CYP26C1: variants seen among roughly 807,000 people sequenced by gnomAD.
CYP26C1 encodes the protein cytochrome P450 family 26 subfamily C member 1.
A neutral mutation model predicts 39.1 loss-of-function variants in CYP26C1; 41 were observed. That is an observed-to-expected ratio of 1.05 (90% CI 0.82 to 1.36). CYP26C1 has a LOEUF of 1.36. Among genes scored for constraint, CYP26C1 ranks in the 40% most tolerant of loss-of-function variants. The pLI is 0.00. For synonymous variants in CYP26C1, 362 were observed against 350.8 expected (o/e 1.03, Z -0.36); for missense variants, 833 against 752.0 (o/e 1.11, Z -1.26).
rs751379382 is a variant in CYP26C1, at chr10:93,061,329, G to T, written c.66G>T (p.Ala22=). The T allele has an allele frequency of 3.1e-6, 5 of 1,593,512 alleles. No homozygotes were observed. In the East Asian group the frequency reaches 6.8e-5, roughly 22 times the overall value. The change falls in exon 1 of 6, where the codon GCG becomes GCT. Residue 22 remains alanine (A), a synonymous_variant. Transcript: ENST00000651965. ...CGGCGGGCACTGCTCTCCTGTGCGC[G>T]GGCCTGCTGCTCAGCCTGGCCCAGC... The part of the protein sequence containing the change: ...LGAAGTALLC[A]GLLLSLAQHL...
chr10:93,064,163 G>T (rs1342122496), intron 3 of CYP26C1: 4 of 1,323,850 alleles, frequency 3.0e-6, no homozygotes, highest in Admixed American at 6.4e-5. Context: ...GGCTCAGAGG[G>T]GGATTGTGAT....
At chr10:93,068,076 T>C (rs575579934) in intron 5 of CYP26C1, among the ~76,000 whole-genome samples, 15 of 152,324 alleles carry the variant, frequency 9.8e-5, no homozygotes, top group South Asian at 2.1e-4. Flanking sequence ...GGGCCATTTT[T>C]CCCCTCATTT....
At position 93,064,468 on chromosome 10, in the gene CYP26C1, G is replaced by A. The variant is rs1377723078; in HGVS notation, c.793G>A (p.Asp265Asn). The change falls in exon 4 of 6, where the codon GAT becomes AAT. Residue 265 changes from aspartate to asparagine, a missense_variant. By Grantham distance (23) the Asp-to-Asn change is conservative. Transcript: ENST00000651965. ...LHEDKAAEPGDALDLIIHSAR... is the reference protein window; with the variant it reads ...LHEDKAAEPGNALDLIIHSAR... ...CGAGGACAAGGCTGCAGAGCCGGGTGATGCCCTCGACCTAATCATTCACAG... is the reference window on the plus strand; with the variant it reads ...CGAGGACAAGGCTGCAGAGCCGGGTAATGCCCTCGACCTAATCATTCACAG... 5.0e-6 allele frequency: 8 copies of A among 1,614,026 alleles called. No homozygotes were observed. Among genetic ancestry groups the A allele is most frequent in the Non-Finnish European group, 6.8e-6 (8 of 1,180,040 alleles).
rs11187265 is a variant in CYP26C1 at position 93,064,409 on chromosome 10, G to A, written c.734G>A (p.Arg245Gln). ...KGIRARDQLH[R>Q]HLEGAISEKL... ...ATCCGGGCAAGGGACCAGCTGCATC[G>A]GCACCTGGAGGGGGCCATTTCTGAG... The change falls in exon 4 of 6, where the codon CGG becomes CAG. Residue 245 changes from arginine (R) to glutamine (Q), a missense_variant. Arg to Gln is a conservative substitution (Grantham distance 43). Transcript: ENST00000651965. 0.093 allele frequency: 149,546 copies of A among 1,613,912 alleles called. 7,630 individuals are homozygous for A. The highest frequency in any genetic ancestry group is 0.2 in the Admixed American group (12,051 of 59,998).
At chr10:93,063,088 GCGTC>G in intron 3 of CYP26C1, 93 bp downstream of exon 3, 1 of 1,476,464 alleles carries the variant, frequency 6.8e-7, no homozygotes, top group Non-Finnish European at 8.9e-7. Flanking sequence ...CGCACCCCGC[GCGTC>G]CGTCACCTCT....
chr10:93,063,222 C>A, intron 3 of CYP26C1: 1 of 1,254,442 alleles, frequency 8.0e-7, no homozygotes, highest in South Asian at 3.2e-5. Flanking sequence ...CACACGACCT[C>A]CGTGGGACGC....
At chr10:93,063,121 G>A (rs1243230630) in intron 3 of CYP26C1, 126 bp downstream of exon 3, 2 of 1,428,276 alleles carry the variant, frequency 1.4e-6, no homozygotes, top group Non-Finnish European at 1.8e-6. Flanking sequence ...CGGCGGCAGG[G>A]CCCGGGGGTG....
At position 93,062,188 on chromosome 10, in the gene CYP26C1, A is replaced by T. The variant is rs1282551462; in HGVS notation, c.383A>T (p.His128Leu). The T allele has an allele frequency of 3.3e-6, 5 of 1,536,160 alleles. No homozygotes were observed. In the East Asian group the frequency reaches 1.2e-4, roughly 38 times the overall value. Residue 128 changes from histidine (H) to leucine (L), a missense_variant, in exon 2 of 6, where the codon CAC becomes CTC. Transcript: ENST00000651965. ...AGTGCGCACATCCTGCTGGGCTCGC[A>T]CACACTGCTAGGTGCGGTCGGCGAG... ...PQSAHILLGS[H>L]TLLGAVGEPH...
intron 1 of CYP26C1, 49 bp downstream of exon 1, chr10:93,061,516 G>A: frequency 1.3e-6 from 2 of 1,539,530 alleles, no homozygotes; most frequent in Non-Finnish European, 1.8e-6. Context: ...TTCTTCCCCC[G>A]GCTCCCACTG....
At chr10:93,065,038 T>C (rs1000323921) in intron 4 of CYP26C1, among the ~76,000 whole-genome samples, 1 of 152,098 alleles carries the variant, frequency 6.6e-6, no homozygotes, top group East Asian at 1.9e-4. Context: ...TTGCTGTGGA[T>C]CTCCTGGAGA....
chr10:93,068,450 G>T lies in CYP26C1; in HGVS notation c.1322G>T (p.Arg441Leu), dbSNP rs1273271984. 6.2e-7 allele frequency: 1 copy of T among 1,611,774 alleles called. No homozygotes were observed. Among genetic ancestry groups the T allele is most frequent in the South Asian group, 1.1e-5 (1 of 90,934 alleles). Residue 441 changes from arginine (R) to leucine (L), a missense_variant, in exon 6 of 6, where the codon CGG becomes CTG. Arg to Leu is a moderately radical substitution (Grantham distance 102, BLOSUM62 -2). Transcript: ENST00000651965. ...ERFGAAREDSRGASSRFHYIP... is the reference protein window; with the variant it reads ...ERFGAAREDSLGASSRFHYIP... ...TTCGGCGCAGCGCGCGAAGATTCCC[G>T]GGGCGCCTCCAGCCGCTTCCATTAC...
Position 93,060,943 on chromosome 10 carries a change from G to A in CYP26C1, c.-321G>A. On this transcript the variant is annotated 5_prime_UTR_variant, in exon 1 of 6. Coordinates refer to ENST00000651965, the MANE Select transcript of CYP26C1 (RefSeq NM_183374.3). Reference sequence around the variant, plus strand: ...CGGGAGGAGGTGGGAGGTGCCCCGCGGAGCCGGGAGTGAGCGTTCCCGAGG... The same window carrying A: ...CGGGAGGAGGTGGGAGGTGCCCCGCAGAGCCGGGAGTGAGCGTTCCCGAGG... 1 of 383,570 alleles carries A rather than the reference G, an allele frequency of 2.6e-6. No homozygotes were observed. Among genetic ancestry groups the A allele is most frequent in the Non-Finnish European group, 4.7e-6 (1 of 214,628 alleles). 23.8% of individuals were successfully genotyped at this position (383,570 alleles called of 1,614,324 possible). A position where few individuals can be genotyped will look rare whatever the true frequency, so the allele number is the denominator to read the frequency against.
intron 1 of CYP26C1, 131 bp from the exon 2 acceptor site, chr10:93,061,879 C>A: frequency 1.2e-6 from 1 of 859,434 alleles, no homozygotes. Flanking sequence ...ACCAGGCCCA[C>A]TGGGGATCTT....
Position 93,065,999 on chromosome 10 carries a change from C to T in CYP26C1, c.905C>T (p.Ala302Val). 6.3e-7 allele frequency: 1 copy of T among 1,583,952 alleles called. No individual in the cohort carries two copies. The highest frequency in any genetic ancestry group is 1.7e-4 in the Middle Eastern group (1 of 5,744). Residue 302 changes from alanine (A) to valine (V), a missense_variant, in exon 5 of 6, where the codon GCC (alanine) becomes GTC (valine). Coordinates refer to ENST00000651965, the MANE Select transcript of CYP26C1 (RefSeq NM_183374.3). ...ELLFAAFFTT[A>V]SASTSLVLLL... ...CTCTTCGCCGCCTTCTTCACCACGG[C>T]CAGTGCCAGCACCTCGCTCGTCCTG...
intron 1 of CYP26C1, among the ~76,000 whole-genome samples, 195 bp downstream of exon 1, chr10:93,061,662 TC>T (rs1326983991): frequency 6.6e-6 from 1 of 151,388 alleles, no homozygotes; most frequent in African/African-American, 2.4e-5. Context: ...TCACTGGAAT[TC>T]CCCCCAGAGC....
rs557004808 is a variant in CYP26C1, at chr10:93,068,343, G to C, written c.1215G>C (p.Trp405Cys). The part of the protein sequence containing the change: ...ELDGYQIPKG[W>C]SVMYSIRDTH... ...AGGGCTACCAGATCCCCAAGGGCTG[G>C]AGCGTGATGTATAGCATCCGGGACA... Residue 405 changes from tryptophan to cysteine, a missense_variant, in exon 6 of 6, where the codon TGG (tryptophan) becomes TGC (cysteine). Trp to Cys is a radical substitution (Grantham distance 215, BLOSUM62 -2). Transcript: ENST00000651965. 7.2e-6 allele frequency: 11 copies of C among 1,537,824 alleles called. No individual in the cohort carries two copies. The highest frequency in any genetic ancestry group is 5.1e-5 in the South Asian group (4 of 78,762).
rs776183542 is a variant in CYP26C1 at position 93,064,531 on chromosome 10, C to A, written c.856C>A (p.Leu286Met). The A allele has an allele frequency of 2.5e-6, 4 of 1,611,272 alleles. No individual in the cohort carries two copies. The Admixed American group carries it at 6.7e-5, about 27-fold the overall frequency. Reference sequence around the variant, plus strand: ...GGGCCATGAGCCCTCCATGCAGGAGCTGAAGGTAGGTGCTGACAGGCCGCT... The same window carrying A: ...GGGCCATGAGCCCTCCATGCAGGAGATGAAGGTAGGTGCTGACAGGCCGCT... ...ELGHEPSMQE[L>M]KESAVELLFA... The change falls in exon 4 of 6, where the codon CTG (leucine) becomes ATG (methionine). Residue 286 changes from leucine (L) to methionine (M), a missense_variant. Physicochemically the swap from Leu to Met is conservative, Grantham distance 15. Transcript: ENST00000651965.
chr10:93,062,401 T>C (rs767672394), intron 2 of CYP26C1, among the ~76,000 whole-genome samples, 167 bp downstream of exon 2: 53 of 152,210 alleles, frequency 3.5e-4, no homozygotes, highest in Non-Finnish European at 5.6e-4. Flanking sequence ...CTTCGGTTTA[T>C]AAAGTTAGGA....
chr10:93,066,237 G>A lies in CYP26C1; in HGVS notation c.1143G>A (p.Pro381=). 6.8e-7 allele frequency: 1 copy of A among 1,471,068 alleles called. No homozygotes were observed. Among genetic ancestry groups the A allele is most frequent in the Middle Eastern group, 2.2e-4 (1 of 4,556 alleles). 91.1% of individuals were successfully genotyped at this position (1,471,068 alleles called of 1,614,324 possible). A position where few individuals can be genotyped will look rare whatever the true frequency, so the allele number is the denominator to read the frequency against. Residue 381 remains proline, a synonymous_variant, in exon 5 of 6, where the codon CCG becomes CCA. Coordinates refer to ENST00000651965, the MANE Select transcript of CYP26C1 (RefSeq NM_183374.3). ...TCAAGGAGGTGCTGCGCCTCCTGCC[G>A]CCAGTGTCCGGGGGCTACCGCACCG... is the stretch of plus-strand genomic sequence containing the variant. ...CVVKEVLRLL[P]PVSGGYRTAL...
Sources: allele counts gnomAD v4.1 joint callset (sites outside exome capture counted in the v4.1 genomes callset), GRCh38; gene constraint gnomAD v4.1.1; transcripts MANE v1.5; gene names NCBI Gene and HGNC (gene_info 2026-07-23, HGNC 2026-07-21).